The following LMCD1 variants were observed in gnomAD, a reference collection of about 807,000 sequenced individuals.
The protein encoded by LMCD1 is LIM and cysteine rich domains 1.
Under a neutral mutation model 42.7 loss-of-function variants are expected in LMCD1, and 32 were observed. The ratio of observed to expected loss-of-function variants is 0.75; its 90% CI spans 0.57 to 1.01. The LOEUF is 1.01. Among genes scored for constraint, LMCD1 ranks in the 50% least tolerant of loss-of-function variants. The pLI, the probability that LMCD1 is intolerant of heterozygous loss-of-function variation, is 0.00. For synonymous variants in LMCD1, 178 were observed against 184.9 expected (o/e 0.96, Z 0.30); for missense variants, 458 against 483.1 (o/e 0.95, Z 0.49).
chr3:8,509,147 T>C (rs553117327), intron 1 of LMCD1, among the ~76,000 whole-genome samples: 15 of 152,162 alleles, frequency 9.9e-5, no homozygotes, highest in Non-Finnish European at 2.1e-4. Flanking sequence ...TTGATAAACA[T>C]TTCCTCCTGC....
intron 3 of LMCD1, among the ~76,000 whole-genome samples, chr3:8,545,105 G>A (rs547348677): frequency 6.8e-4 from 104 of 152,252 alleles, no homozygotes; most frequent in East Asian, 3.9e-4. Context: ...AGACCTTGTC[G>A]ATTCTACTAT....
At chr3:8,514,221 C>T (rs978223702) in intron 1 of LMCD1, among the ~76,000 whole-genome samples, 6 of 152,104 alleles carry the variant, frequency 3.9e-5, no homozygotes, top group African/African-American at 1.4e-4. Flanking sequence ...CTTGAATAAG[C>T]ATGTCACAAA....
chr3:8,537,058 T>A, intron 2 of LMCD1, 127 bp from the exon 3 acceptor site: 1 of 1,042,668 alleles, frequency 9.6e-7, no homozygotes, highest in Non-Finnish European at 1.4e-6. Flanking sequence ...GGTTACCATT[T>A]GTCCGCTGCT....
At chr3:8,530,574 A>T (rs1238644086) in intron 1 of LMCD1, among the ~76,000 whole-genome samples, 3 of 152,208 alleles carry the variant, frequency 2.0e-5, no homozygotes, top group African/African-American at 4.8e-5. Context: ...GTGCTTTGCC[A>T]CTTGGAAATG....
At chr3:8,549,161 A>T (rs1416961593) in intron 4 of LMCD1, among the ~76,000 whole-genome samples, 1 of 152,148 alleles carries the variant, frequency 6.6e-6, no homozygotes, top group Non-Finnish European at 1.5e-5. Flanking sequence ...AGGGACATCT[A>T]AGCCTGCTTG....
intron 3 of LMCD1, among the ~76,000 whole-genome samples, chr3:8,543,031 G>A (rs1316636861): frequency 1.3e-5 from 2 of 152,164 alleles, no homozygotes; most frequent in Non-Finnish European, 2.9e-5. Flanking sequence ...GGGCTGCTTC[G>A]GAACTTGGTG....
At chr3:8,515,136 T>A (rs1263578175) in intron 1 of LMCD1, 1 of 408,996 alleles carries the variant, frequency 2.4e-6, no homozygotes, top group Non-Finnish European at 5.0e-6. Context: ...CCCCTGGAGG[T>A]GTCACGTTAG....
At chr3:8,549,666 T>C (rs529230474) in intron 4 of LMCD1, among the ~76,000 whole-genome samples, 1 of 152,364 alleles carries the variant, frequency 6.6e-6, no homozygotes, top group Non-Finnish European at 1.5e-5. Flanking sequence ...CTGTTACTTA[T>C]AGCAGAATAC....
chr3:8,548,429 A>G (rs1694777535), intron 3 of LMCD1, 139 bp from the exon 4 acceptor site: 4 of 515,750 alleles, frequency 7.8e-6, no homozygotes, highest in Non-Finnish European at 1.3e-5. Flanking sequence ...AGTTAAGAAA[A>G]TAAAGACTGT....
chr3:8,559,849 T>C (rs1694998624), intron 4 of LMCD1, among the ~76,000 whole-genome samples: 1 of 152,216 alleles, frequency 6.6e-6, no homozygotes, highest in South Asian at 2.1e-4. Flanking sequence ...CCTGGACATC[T>C]TGTTTTCATG....
chr3:8,514,874 G>T, intron 1 of LMCD1: 1 of 452,260 alleles, frequency 2.2e-6, no homozygotes, highest in Non-Finnish European at 4.5e-6. Flanking sequence ...AATAGAAAGT[G>T]GCCTGAGGGA....
chr3:8,567,221 T>A (rs1175934734), intron 5 of LMCD1, among the ~76,000 whole-genome samples: 2 of 147,630 alleles, frequency 1.4e-5, no homozygotes, highest in Non-Finnish European at 2.9e-5. Context: ...TAGTGGAGGA[T>A]TTTTTTTATT....
At chr3:8,518,828 A>C (rs1694145320) in intron 1 of LMCD1, among the ~76,000 whole-genome samples, 1 of 152,172 alleles carries the variant, frequency 6.6e-6, no homozygotes, top group East Asian at 1.9e-4. Flanking sequence ...GGGTAGTCAG[A>C]GGGGCTGGCG....
chr3:8,543,256 G>A (rs778172309), intron 3 of LMCD1, among the ~76,000 whole-genome samples: 10 of 152,124 alleles, frequency 6.6e-5, no homozygotes, highest in Admixed American at 2.0e-4. Context: ...TTGGCCGTCC[G>A]GCTGCCACTT....
In LMCD1 at chr3:8,522,749, G is replaced by A. The variant is rs78830646; in HGVS notation, c.43-9988G>A. Among the ~76,000 whole-genome samples the A allele has an allele frequency of 3.7e-3, 555 of 151,940 alleles. 2 individuals carry two copies. The highest frequency in any genetic ancestry group is 0.013 in the African/African-American group (538 of 41,422). On this transcript the variant is annotated intron_variant, in intron 1 of 5. Coordinates refer to ENST00000157600, the MANE Select transcript of LMCD1 (RefSeq NM_014583.4). ...CTAAATTCTCCCTTGAGTTGAACCT[G>A]GAAAAACTAATCCTGAGAGAGGAAA...
chr3:8,520,260 A>G lies in LMCD1; in HGVS notation c.43-12477A>G, dbSNP rs954780681. On this transcript the variant is annotated intron_variant, in intron 1 of 5. Coordinates refer to ENST00000157600, the MANE Select transcript of LMCD1 (RefSeq NM_014583.4). ...CACACACACCAAATGACATTCCTAC[A>G]GGATGACATTCTTAAGACATCAGGC... Among the ~76,000 whole-genome samples the G allele has an allele frequency of 6.6e-5, 10 of 152,310 alleles. No individual in the cohort carries two copies. The East Asian group carries it at 1.9e-3, about 29-fold the overall frequency.
At chr3:8,548,504 T>C (rs1362639165) in intron 3 of LMCD1, 64 bp from the exon 4 acceptor site, 103 of 1,168,076 alleles carry the variant, frequency 8.8e-5, no homozygotes, top group Middle Eastern at 2.0e-4. Context: ...GATTCTGTCA[T>C]AGTTTCTTTG....
rs536204707 is a variant in LMCD1, at chr3:8,505,375, T to G, written c.42+3395T>G. Among the ~76,000 whole-genome samples the G allele has an allele frequency of 1.7e-4, 26 of 152,346 alleles. No individual in the cohort carries two copies. The South Asian group carries it at 3.7e-3, about 22-fold the overall frequency. On this transcript the variant is annotated intron_variant, in intron 1 of 5. Transcript: ENST00000157600. Reference sequence around the variant, plus strand: ...GATTGCCAGTTATTGAGCATTTCACTTTGGAGTTATATAATGTTAGGCCTC... The same window carrying G: ...GATTGCCAGTTATTGAGCATTTCACGTTGGAGTTATATAATGTTAGGCCTC...
At chr3:8,505,302 A>G (rs1205245652) in intron 1 of LMCD1, among the ~76,000 whole-genome samples, 3 of 152,212 alleles carry the variant, frequency 2.0e-5, no homozygotes, top group Non-Finnish European at 4.4e-5. Context: ...TTCTCACCCA[A>G]CGGGTGCAAA....
Sources: gnomAD v4.1 joint callset for allele counts (sites outside exome capture counted in the v4.1 genomes callset) on GRCh38, gnomAD v4.1.1 for gene constraint, MANE v1.5 for transcripts, NCBI Gene and HGNC (gene_info 2026-07-23, HGNC 2026-07-21) for gene names.